POGLUT3: variants seen among roughly 807,000 people sequenced by gnomAD.
POGLUT3 encodes KDEL (Lys-Asp-Glu-Leu) containing 2.
Under a neutral mutation model 54.3 loss-of-function variants are expected in POGLUT3, and 48 were observed. That is an observed-to-expected ratio of 0.88 (90% CI 0.70 to 1.12). The LOEUF (loss-of-function observed/expected upper bound fraction) is 1.12, where lower values mean the gene tolerates loss of function less well. POGLUT3 is among the 50% of genes most tolerant of loss of function. The probability of loss-of-function intolerance (pLI) is 0.00; values close to 1 mark genes in which losing one functional copy is unlikely to be tolerated. For missense variants in POGLUT3, 629 were observed against 618.7 expected, an observed-to-expected ratio of 1.02 and a Z score of -0.18; for synonymous variants, 218 against 237.4, an observed-to-expected ratio of 0.92 and a Z score of 0.75.
intron 3 of POGLUT3, among the ~76,000 whole-genome samples, chr11:108,482,888 C>G (rs2093595567): frequency 6.6e-6 from 1 of 152,182 alleles, no homozygotes; most frequent in Admixed American, 6.5e-5. Flanking sequence ...GAACCAAACC[C>G]TTGTTTTCCT....
chr11:108,485,110 G>C (rs1024840838), intron 3 of POGLUT3, among the ~76,000 whole-genome samples: 2 of 152,008 alleles, frequency 1.3e-5, no homozygotes, highest in African/African-American at 4.8e-5. Context: ...TAAATATCAG[G>C]GTTTTTGTTT....
At chr11:108,476,355 A>T (rs967276779) in intron 7 of POGLUT3, among the ~76,000 whole-genome samples, 1 of 151,140 alleles carries the variant, frequency 6.6e-6, no homozygotes, top group Non-Finnish European at 1.5e-5. Flanking sequence ...CTGGTCTTGA[A>T]CTCCTGACCT....
chr11:108,485,636 TTTTATTTATTTA>T (rs34832849), intron 3 of POGLUT3, among the ~76,000 whole-genome samples: 27 of 140,400 alleles, frequency 1.9e-4, no homozygotes, highest in African/African-American at 2.9e-4. Flanking sequence ...CTTTATTCTA[TTTTATTTATTTA>T]TTTATTTATT....
chr11:108,491,974 T>A (rs2093614152), intron 1 of POGLUT3, among the ~76,000 whole-genome samples: 1 of 152,094 alleles, frequency 6.6e-6, no homozygotes, highest in Admixed American at 6.6e-5. Context: ...TTCATTTCTG[T>A]GAAAATTTCC....
At position 108,498,359 on chromosome 11, in the gene POGLUT3, C is replaced by A; in HGVS notation, c.8G>T (p.Arg3Leu). 7.6e-7 allele frequency: 1 copy of A among 1,318,462 alleles called. No individual in the cohort carries two copies. Among genetic ancestry groups the A allele is most frequent in the Middle Eastern group, 2.9e-4 (1 of 3,454 alleles). The allele number at this position is 1,318,462 out of a possible 1,614,324, so 81.7% of individuals were successfully genotyped here. The change falls in exon 1 of 8, where the codon CGC becomes CTC. Residue 3 changes from arginine (R) to leucine (L), a missense_variant. By Grantham distance (102) the Arg-to-Leu change is moderately radical. Coordinates refer to ENST00000323468, the MANE Select transcript of POGLUT3 (RefSeq NM_153705.5). Reference protein sequence around the residue: MRRLPRALLLQLR... With the variant: MRLLPRALLLQLR... ...CTGCAGCAGCAGGGCCCGCGGGAGG[C>A]GGCGCATGGTCGGCGGGGCACAACT...
chr11:108,484,969 TG>T (rs987688000), intron 3 of POGLUT3, among the ~76,000 whole-genome samples: 17 of 151,838 alleles, frequency 1.1e-4, no homozygotes, highest in Non-Finnish European at 2.1e-4. Context: ...TTGGGGGATG[TG>T]GGGAGCCTGA....
At chr11:108,479,231 T>C (rs2093587865) in intron 6 of POGLUT3, 70 bp downstream of exon 6, 2 of 999,952 alleles carry the variant, frequency 2.0e-6, no homozygotes, top group East Asian at 5.6e-5. Flanking sequence ...CAAATTGTAT[T>C]GTGATGGAAC....
intron 7 of POGLUT3, among the ~76,000 whole-genome samples, chr11:108,475,661 G>A (rs1328516833): frequency 1.3e-5 from 2 of 151,624 alleles, no homozygotes; most frequent in East Asian, 3.9e-4. Flanking sequence ...TAGAGATGGC[G>A]TTTCACCATG....
At chr11:108,498,142 G>A in intron 1 of POGLUT3, 23 bp downstream of exon 1, 2 of 1,491,944 alleles carry the variant, frequency 1.3e-6, no homozygotes, top group East Asian at 3.0e-5. Flanking sequence ...GCGGGACGAG[G>A]GAGGCCGGCG....
intron 7 of POGLUT3, among the ~76,000 whole-genome samples, chr11:108,476,529 G>A (rs542312812): frequency 2.1e-4 from 32 of 152,290 alleles, no homozygotes; most frequent in African/African-American, 7.7e-4. Context: ...AGTAAATAGT[G>A]TAACTTATCA....
intron 1 of POGLUT3, among the ~76,000 whole-genome samples, chr11:108,492,540 C>T (rs2093615094): frequency 6.6e-6 from 1 of 152,102 alleles, no homozygotes; most frequent in African/African-American, 2.4e-5. Flanking sequence ...TTGTGAAATT[C>T]TTAGTTTCTA....
At chr11:108,479,269 G>T in intron 6 of POGLUT3, 32 bp downstream of exon 6, 2 of 1,485,914 alleles carry the variant, frequency 1.3e-6, no homozygotes, top group Non-Finnish European at 1.8e-6. Flanking sequence ...ATTTGTTATT[G>T]CTTAAAGAAA....
chr11:108,481,207 C>G lies in POGLUT3; in HGVS notation c.1071G>C (p.Lys357Asn), dbSNP rs2093591569. 1 of 1,610,358 alleles carries G rather than the reference C, an allele frequency of 6.2e-7. No individual in the cohort carries two copies. The highest frequency in any genetic ancestry group is 1.3e-5 in the African/African-American group (1 of 74,440). ...TAAAGAAATCAAAGAAACCCATCAA[C>G]TTGGCTTTTCCAAGCTCCTTTTCTT... ...QEKEKELGKAKLMGFFDFFKY... is the reference protein window; with the variant it reads ...QEKEKELGKANLMGFFDFFKY... Residue 357 changes from lysine (K) to asparagine (N), a missense_variant, in exon 5 of 8, where the codon AAG (lysine) becomes AAC (asparagine). Coordinates refer to ENST00000323468, the MANE Select transcript of POGLUT3 (RefSeq NM_153705.5).
At chr11:108,476,797 C>T (rs1368509857) in intron 7 of POGLUT3, among the ~76,000 whole-genome samples, 2 of 152,110 alleles carry the variant, frequency 1.3e-5, no homozygotes, top group Non-Finnish European at 2.9e-5. Flanking sequence ...ACATATTTCT[C>T]ATTAGTTTGT....
Position 108,482,050 on chromosome 11 carries a change from A to T in POGLUT3, c.857T>A (p.Met286Lys), listed in dbSNP as rs1338527397. 3.6e-5 allele frequency: 58 copies of T among 1,614,008 alleles called. No homozygotes were observed. Among genetic ancestry groups the T allele is most frequent in the Non-Finnish European group, 4.6e-5 (54 of 1,180,030 alleles). The stretch of plus-strand genomic sequence containing the variant: ...GAGGAGATCATTTGTAACACCCCGC[A>T]TGGCTTCAAGCATGGAGTGGGTGAT... ...YDITHSMLEAMRGVTNDLLSI... is the reference protein window; with the variant it reads ...YDITHSMLEAKRGVTNDLLSI... The change falls in exon 4 of 8, where the codon ATG (methionine) becomes AAG (lysine). Residue 286 changes from methionine (M) to lysine (K), a missense_variant. By Grantham distance (95) the Met-to-Lys change is moderately conservative. Transcript: ENST00000323468.
intron 2 of POGLUT3, among the ~76,000 whole-genome samples, chr11:108,488,806 T>C (rs2093608204): frequency 6.6e-6 from 1 of 152,188 alleles, no homozygotes; most frequent in African/African-American, 2.4e-5. Context: ...AGTGTTCATA[T>C]GTTCTTGGGG....
intron 5 of POGLUT3, among the ~76,000 whole-genome samples, chr11:108,480,700 C>T (rs892073443): frequency 3.3e-5 from 5 of 152,048 alleles, no homozygotes; most frequent in South Asian, 2.1e-4. Context: ...AGGCATCACA[C>T]GGGTTTAAAG....
intron 2 of POGLUT3, among the ~76,000 whole-genome samples, chr11:108,487,625 ACACTGGCTGAGACTCTGGCAGAGTCGCC>A (rs2093605958): frequency 6.6e-6 from 1 of 151,888 alleles, no homozygotes; most frequent in Non-Finnish European, 1.5e-5. Flanking sequence ...ACAGAGTCTC[ACACTGGCTGAGACTCTGGCAGAGTCGCC>A]CAGGCTGGAG....
At chr11:108,480,400 T>C (rs2093590207) in intron 5 of POGLUT3, among the ~76,000 whole-genome samples, 1 of 152,220 alleles carries the variant, frequency 6.6e-6, no homozygotes, top group Non-Finnish European at 1.5e-5. Context: ...TCATAGGCAT[T>C]AAACCTCATT....
Sources: allele counts gnomAD v4.1 joint callset (sites outside exome capture counted in the v4.1 genomes callset), GRCh38; gene constraint gnomAD v4.1.1; transcripts MANE v1.5; gene names NCBI Gene and HGNC (gene_info 2026-07-23, HGNC 2026-07-21).